FBLN2: variants seen among roughly 807,000 people sequenced by gnomAD.
The protein encoded by FBLN2 is fibulin-2.
A neutral mutation model predicts 123.7 loss-of-function variants in FBLN2; 81 were observed. That is an observed-to-expected ratio of 0.65 (90% CI 0.55 to 0.79). The LOEUF is 0.79. FBLN2 is among the 30% of genes least tolerant of loss of function. The pLI is 0.00. For synonymous variants in FBLN2, 699 were observed against 701.4 expected, an observed-to-expected ratio of 1.00 and a Z score of 0.05; for missense variants, 1,603 against 1,681.3, an observed-to-expected ratio of 0.95 and a Z score of 0.81.
intron 2 of FBLN2, among the ~76,000 whole-genome samples, chr3:13,605,307 T>C (rs977312852): frequency 6.6e-6 from 1 of 152,250 alleles, no homozygotes; most frequent in African/African-American, 2.4e-5. Context: ...TCCTTTCATC[T>C]TCTTTCTCCA....
intron 2 of FBLN2, among the ~76,000 whole-genome samples, chr3:13,583,433 G>C (rs1306647437): frequency 6.6e-6 from 1 of 152,208 alleles, no homozygotes; most frequent in Admixed American, 6.5e-5. Flanking sequence ...CCCCTGCACC[G>C]GGCACTTCCA....
intron 5 of FBLN2, among the ~76,000 whole-genome samples, chr3:13,615,751 G>A (rs1705577076): frequency 6.6e-6 from 1 of 152,342 alleles, no homozygotes; most frequent in Non-Finnish European, 1.5e-5. Context: ...AGAAGGGCAG[G>A]ATCTTGCCCC....
chr3:13,605,155 A>G (rs1192718150), intron 2 of FBLN2, among the ~76,000 whole-genome samples: 1 of 152,232 alleles, frequency 6.6e-6, no homozygotes, highest in Non-Finnish European at 1.5e-5. Flanking sequence ...ATGTCTAGGC[A>G]TTCTGTATAA....
chr3:13,590,091 T>C (rs1704622331), intron 2 of FBLN2, among the ~76,000 whole-genome samples: 1 of 152,234 alleles, frequency 6.6e-6, no homozygotes, highest in African/African-American at 2.4e-5. Context: ...AGAGTTTTCC[T>C]GGTGCCCTTT....
intron 17 of FBLN2, among the ~76,000 whole-genome samples, 193 bp downstream of exon 17, chr3:13,636,761 G>A (rs1015900703): frequency 1.3e-5 from 2 of 152,216 alleles, no homozygotes; most frequent in Non-Finnish European, 2.9e-5. Context: ...AGAGAAGGAA[G>A]GGGAAAAGAC....
intron 2 of FBLN2, among the ~76,000 whole-genome samples, chr3:13,596,091 C>T (rs1050312187): frequency 1.3e-5 from 2 of 152,204 alleles, no homozygotes; most frequent in Admixed American, 1.3e-4. Flanking sequence ...TAAGTGCATG[C>T]AGATCTAACG....
At chr3:13,563,730 T>G (rs1468488864) in intron 1 of FBLN2, among the ~76,000 whole-genome samples, 3 of 152,234 alleles carry the variant, frequency 2.0e-5, no homozygotes, top group Non-Finnish European at 4.4e-5. Context: ...GCTGACCTAC[T>G]GAGGCCAACT....
chr3:13,572,420 G>C (rs1703993573), intron 2 of FBLN2, among the ~76,000 whole-genome samples: 1 of 152,240 alleles, frequency 6.6e-6, no homozygotes, highest in South Asian at 2.1e-4. Context: ...GGGGCTCGAG[G>C]GTGGTGCTGG....
intron 1 of FBLN2, among the ~76,000 whole-genome samples, chr3:13,563,985 C>T (rs1703676003): frequency 6.6e-6 from 1 of 152,188 alleles, no homozygotes; most frequent in Non-Finnish European, 1.5e-5. Flanking sequence ...CCAACGATGC[C>T]AATGGGAAGG....
Position 13,637,972 on chromosome 3 carries a change from G to C in FBLN2, c.*53G>C. On this transcript the variant is annotated 3_prime_UTR_variant, in exon 18 of 18. Coordinates refer to ENST00000404922, the MANE Select transcript of FBLN2 (RefSeq NM_001004019.2). ...TGGCGCAGCCCAGGGCTCACACTGC[G>C]TGGGAGGGACTGGGTCACTATTGTG... 6.9e-7 allele frequency: 1 copy of C among 1,446,858 alleles called. No individual in the cohort carries two copies. The highest frequency in any genetic ancestry group is 1.3e-5 in the South Asian group (1 of 75,756). The allele number at this position is 1,446,858 out of a possible 1,614,324, so 89.6% of individuals were successfully genotyped here.
chr3:13,632,544 A>G (rs1019969849), intron 16 of FBLN2, among the ~76,000 whole-genome samples: 1 of 152,238 alleles, frequency 6.6e-6, no homozygotes, highest in Admixed American at 6.5e-5. Flanking sequence ...GACTTCAGCC[A>G]GCTGCCTGTG....
At chr3:13,613,175 A>G (rs531150710) in intron 4 of FBLN2, among the ~76,000 whole-genome samples, 2 of 152,366 alleles carry the variant, frequency 1.3e-5, no homozygotes, top group African/African-American at 4.8e-5. Context: ...TTTGAGGCCT[A>G]GGCTAAGAAC....
rs369694803 is a variant in FBLN2, at chr3:13,637,678, G to T, written c.3455G>T (p.Arg1152Leu). The T allele has an allele frequency of 1.7e-5, 28 of 1,613,852 alleles. No individual in the cohort carries two copies. The highest frequency in any genetic ancestry group is 2.0e-5 in the Non-Finnish European group (24 of 1,179,880). The change falls in exon 18 of 18, where the codon CGC becomes CTC. Residue 1152 changes from arginine (R) to leucine (L), a missense_variant. Arg to Leu is a moderately radical substitution (Grantham distance 102). Transcript: ENST00000404922. Reference protein sequence around the residue: ...TGLLVPAHIFRIGPAPAFTGD... With the variant: ...TGLLVPAHIFLIGPAPAFTGD... The stretch of plus-strand genomic sequence containing the variant: ...CTCCTGGTGCCTGCGCATATCTTCC[G>T]CATTGGCCCCGCGCCAGCCTTCACG...
intron 8 of FBLN2, among the ~76,000 whole-genome samples, chr3:13,620,359 A>C (rs915200993): frequency 2.6e-5 from 4 of 152,128 alleles, no homozygotes; most frequent in Non-Finnish European, 5.9e-5. Context: ...AGGGGAAGCA[A>C]TGCCGGTTGT....
At chr3:13,591,228 T>G (rs1025623157) in intron 2 of FBLN2, among the ~76,000 whole-genome samples, 4 of 152,266 alleles carry the variant, frequency 2.6e-5, no homozygotes, top group African/African-American at 9.6e-5. Context: ...ATTAAGTTTC[T>G]TTGTCTTATT....
intron 3 of FBLN2, among the ~76,000 whole-genome samples, chr3:13,608,416 A>G (rs1359675548): frequency 6.6e-6 from 1 of 152,258 alleles, no homozygotes; most frequent in Non-Finnish European, 1.5e-5. Flanking sequence ...CTAGTGAGCA[A>G]GATCCGAGGA....
chr3:13,630,100 C>G (rs1706205815), intron 14 of FBLN2, among the ~76,000 whole-genome samples, 155 bp downstream of exon 14: 1 of 152,164 alleles, frequency 6.6e-6, no homozygotes, highest in South Asian at 2.1e-4. Flanking sequence ...TCTGTCTGGC[C>G]CAACCCTCTC....
At chr3:13,600,065 TAGAGAGAGAG>T (rs149176892) in intron 2 of FBLN2, among the ~76,000 whole-genome samples, 1 of 92,406 alleles carries the variant, frequency 1.1e-5, no homozygotes, top group Admixed American at 1.0e-4. Flanking sequence ...GAGAGAGCGA[TAGAGAGAGAG>T]AGAGAGCGCC....
chr3:13,575,806 A>G (rs1246943022), intron 2 of FBLN2, among the ~76,000 whole-genome samples: 1 of 151,250 alleles, frequency 6.6e-6, no homozygotes, highest in East Asian at 2.0e-4. Flanking sequence ...TTCATTACAC[A>G]CTCCACCCAC....
Sources: allele counts gnomAD v4.1 joint callset (sites outside exome capture counted in the v4.1 genomes callset), GRCh38; gene constraint gnomAD v4.1.1; transcripts MANE v1.5; gene names NCBI Gene and HGNC (gene_info 2026-07-23, HGNC 2026-07-21).